Variants in HTR2C observed in about 807,000 individuals in gnomAD.
HTR2C encodes the protein 5-hydroxytryptamine (serotonin) receptor 2C, G protein-coupled.
A neutral mutation model predicts 21.0 loss-of-function variants in HTR2C; 5 were observed. The observed-to-expected ratio is 0.24, with a 90% CI of 0.12 to 0.50. The LOEUF is 0.50. Ranked by LOEUF, HTR2C falls within the 20% of genes least tolerant of loss-of-function variation. The pLI, the probability that HTR2C is intolerant of heterozygous loss-of-function variation, is 0.98. For synonymous variants in HTR2C, 150 were observed against 145.3 expected (o/e 1.03, Z -0.23); for missense variants, 271 against 371.2 (o/e 0.73, Z 2.22).
intron 1 of HTR2C, among the ~76,000 whole-genome samples, chrX:114,591,144 T>C (rs1927613468): frequency 9.0e-6 from 1 of 111,294 alleles, no homozygotes; most frequent in Non-Finnish European, 1.9e-5. Context: ...GGGTAGATTG[T>C]TCTAGCATTT....
At chrX:114,609,331 TATTA>T (rs1485043340) in intron 1 of HTR2C, among the ~76,000 whole-genome samples, 1 of 112,052 alleles carries the variant, frequency 8.9e-6, no homozygotes, top group African/African-American at 3.2e-5. Context: ...AAATAGATCC[TATTA>T]ATTACATCCT....
chrX:114,703,248 A>G (rs1288250584), intron 2 of HTR2C, among the ~76,000 whole-genome samples: 187 of 107,512 alleles, frequency 1.7e-3, no homozygotes, highest in African/African-American at 6.0e-3. Context: ...CCAAATCAAC[A>G]GAATATACAT....
chrX:114,595,504 C>T lies in HTR2C; in HGVS notation c.-147+10845C>T, dbSNP rs369262455. On this transcript the variant is annotated intron_variant, in intron 1 of 5. Coordinates refer to ENST00000276198, the MANE Select transcript of HTR2C (RefSeq NM_000868.4). ...TCCCAAAGTGCTGGGATTGCAAGCA[C>T]GAACCACCATGCTCGGCCCTAAAAT... Among the ~76,000 whole-genome samples, 51 of 110,122 alleles carry T rather than the reference C, an allele frequency of 4.6e-4. No individual in the cohort carries two copies. In the South Asian group the frequency reaches 0.017, roughly 37 times the overall value.
rs782187709 is a variant in HTR2C at position 114,795,392 on chromosome X, G to T, written c.350-52611G>T. On this transcript the variant is annotated intron_variant, in intron 4 of 5. Coordinates refer to ENST00000276198, the MANE Select transcript of HTR2C (RefSeq NM_000868.4). ...AATTAGATCCCATTTGTCAATTTTGGCTTTTGTTGCCATTGCTTTTGGTGT... is the reference window on the plus strand; with the variant it reads ...AATTAGATCCCATTTGTCAATTTTGTCTTTTGTTGCCATTGCTTTTGGTGT... 3.3e-3 allele frequency among the ~76,000 whole-genome samples: 363 copies of T among 110,491 alleles called. 1 individual carries two copies. The highest frequency in any genetic ancestry group is 0.011 in the African/African-American group (339 of 30,456).
chrX:114,813,874 T>C (rs782670356), intron 4 of HTR2C, among the ~76,000 whole-genome samples: 23 of 111,508 alleles, frequency 2.1e-4, no homozygotes, highest in African/African-American at 7.2e-4. Flanking sequence ...CAAGGGCAGA[T>C]TGTAATGTCA....
chrX:114,605,944 G>T (rs1928399023), intron 1 of HTR2C, among the ~76,000 whole-genome samples: 1 of 106,394 alleles, frequency 9.4e-6, no homozygotes, highest in African/African-American at 3.4e-5. Context: ...AGAGGTTGGG[G>T]CACGGAAATA....
At chrX:114,722,792 G>T (rs1420355782) in intron 2 of HTR2C, among the ~76,000 whole-genome samples, 1 of 107,688 alleles carries the variant, frequency 9.3e-6, no homozygotes, top group Non-Finnish European at 1.9e-5. Context: ...TTTGTCTTTG[G>T]TTCTGTTTAT....
chrX:114,815,046 G>A (rs1389566908), intron 4 of HTR2C, among the ~76,000 whole-genome samples: 1 of 103,575 alleles, frequency 9.7e-6, no homozygotes, highest in East Asian at 3.0e-4. Flanking sequence ...TATAATAAAT[G>A]GCATTCTGCT....
intron 4 of HTR2C, among the ~76,000 whole-genome samples, chrX:114,820,333 T>G (rs782161309): frequency 7.9e-4 from 87 of 109,981 alleles, no homozygotes; most frequent in Non-Finnish European, 1.4e-3. Context: ...GAGTTTTTTT[T>G]AGTTTACATT....
chrX:114,585,714 A>G (rs1404369960), intron 1 of HTR2C, among the ~76,000 whole-genome samples: 1 of 111,247 alleles, frequency 9.0e-6, no homozygotes, highest in East Asian at 2.8e-4. Flanking sequence ...CTCATAATTC[A>G]GCGAGTGACA....
intron 4 of HTR2C, among the ~76,000 whole-genome samples, chrX:114,809,386 TTTG>T (rs1556451925): frequency 1.3e-5 from 1 of 75,065 alleles, no homozygotes; most frequent in Non-Finnish European, 2.8e-5. Flanking sequence ...GTGCCTTTTT[TTTG>T]TTGTTTTTTT....
chrX:114,683,409 A>G (rs1569483740), intron 2 of HTR2C, among the ~76,000 whole-genome samples: 1 of 110,810 alleles, frequency 9.0e-6, no homozygotes, highest in Non-Finnish European at 1.9e-5. Context: ...TATCCCTAGT[A>G]AATGTAAGCT....
intron 4 of HTR2C, among the ~76,000 whole-genome samples, chrX:114,759,597 A>G (rs2069845919): frequency 8.9e-6 from 1 of 112,169 alleles, no homozygotes; most frequent in African/African-American, 3.2e-5. Context: ...AGTTTAAAAT[A>G]ATCCTTGTCC....
In HTR2C at chrX:114,617,271, C is replaced by T. The variant is rs1290349244; in HGVS notation, c.-80+3390C>T. On this transcript the variant is annotated intron_variant, in intron 2 of 5. Transcript: ENST00000276198. Reference sequence around the variant, plus strand: ...CTGGGCAATATAGTGAGACTCCCATCTCTACAAAAAATTTAAAAATTAGCC... The same window carrying T: ...CTGGGCAATATAGTGAGACTCCCATTTCTACAAAAAATTTAAAAATTAGCC... 2.7e-5 allele frequency among the ~76,000 whole-genome samples: 3 copies of T among 111,241 alleles called. No individual in the cohort carries two copies. The Admixed American group carries it at 2.9e-4, about 11-fold the overall frequency.
intron 5 of HTR2C, among the ~76,000 whole-genome samples, chrX:114,855,134 AG>A (rs2070948904): frequency 9.0e-6 from 1 of 111,591 alleles, no homozygotes; most frequent in Admixed American, 9.5e-5. Flanking sequence ...CTTATTTGAC[AG>A]TGCACTAAAA....
intron 4 of HTR2C, among the ~76,000 whole-genome samples, chrX:114,847,542 C>G (rs1238684488): frequency 9.5e-6 from 1 of 104,833 alleles, no homozygotes; most frequent in Non-Finnish European, 2.0e-5. Flanking sequence ...ACATATGTAA[C>G]TAACCTGCAC....
intron 5 of HTR2C, among the ~76,000 whole-genome samples, chrX:114,888,433 G>A (rs782320980): frequency 5.4e-4 from 60 of 111,980 alleles, no homozygotes; most frequent in African/African-American, 1.9e-3. Flanking sequence ...TAGAGTGCCC[G>A]CTTCTCAGCT....
intron 4 of HTR2C, among the ~76,000 whole-genome samples, chrX:114,834,844 C>T (rs1415939807): frequency 1.8e-5 from 2 of 109,165 alleles, no homozygotes; most frequent in East Asian, 2.9e-4. Context: ...CGGCTGGTAC[C>T]AGTTGTTCCT....
intron 4 of HTR2C, among the ~76,000 whole-genome samples, chrX:114,750,826 A>C (rs2069754393): frequency 8.9e-6 from 1 of 112,231 alleles, no homozygotes; most frequent in African/African-American, 3.2e-5. Flanking sequence ...AACCTAAGTA[A>C]ATACCTACAA....
Sources: allele counts gnomAD v4.1 joint callset (sites outside exome capture counted in the v4.1 genomes callset), GRCh38; gene constraint gnomAD v4.1.1; transcripts MANE v1.5; gene names NCBI Gene and HGNC (gene_info 2026-07-23, HGNC 2026-07-21).